The following RGL1 variants were observed in gnomAD, a reference collection of about 807,000 sequenced individuals.
The protein encoded by RGL1 is ral guanine nucleotide dissociation stimulator-like 1.
In RGL1, 24 loss-of-function variants were observed where a neutral mutation model predicts 95.2. The ratio of observed to expected loss-of-function variants is 0.25; its 90% CI spans 0.18 to 0.35. The LOEUF (loss-of-function observed/expected upper bound fraction) is 0.35, where lower values mean the gene tolerates loss of function less well. Among genes scored for constraint, RGL1 ranks in the 10% least tolerant of loss-of-function variants. The pLI is 1.00. For synonymous variants in RGL1, 329 were observed against 344.9 expected (o/e 0.95, Z 0.51); for missense variants, 715 against 936.3 (o/e 0.76, Z 3.08).
At chr1:183,811,712 G>GT (rs141563153) in intron 2 of RGL1, among the ~76,000 whole-genome samples, 2,644 of 152,252 alleles carry the variant, frequency 0.017, 70 homozygotes, top group African/African-American at 0.059. Flanking sequence ...TGGGATCTGT[G>GT]TTAGGAATAT....
upstream of RGL1, among the ~76,000 whole-genome samples, chr1:183,802,873 G>T (rs182650630): frequency 9.9e-5 from 15 of 152,268 alleles, no homozygotes; most frequent in Non-Finnish European, 2.1e-4. Flanking sequence ...TCACGGGAAG[G>T]CTAATGTGGT....
In RGL1 at chr1:183,828,500, C is replaced by T. The variant is rs77864533; in HGVS notation, c.139-19066C>T. 1.5e-4 allele frequency among the ~76,000 whole-genome samples: 23 copies of T among 152,238 alleles called. No homozygotes were observed. The East Asian group carries it at 4.1e-3, about 27-fold the overall frequency. ...AAATGGGGGGCCTGACCTACTCGGC[C>T]GTCTGGTGCTGCTCCTTCCGTGAGG... On this transcript the variant is annotated intron_variant, in intron 2 of 17. Coordinates refer to ENST00000360851, the MANE Select transcript of RGL1 (RefSeq NM_001297671.3).
At chr1:183,741,809 C>T (rs957890978) in intron 1 of RGL1, among the ~76,000 whole-genome samples, 19 of 152,172 alleles carry the variant, frequency 1.2e-4, no homozygotes, top group Non-Finnish European at 1.6e-4. Flanking sequence ...CTGACAGCCA[C>T]CCATTTCCAT....
chr1:183,884,664 A>G lies in RGL1; in HGVS notation c.736-59A>G, dbSNP rs537301325. The G allele has an allele frequency of 2.3e-5, 33 of 1,426,404 alleles. No homozygotes were observed. In the African/African-American group the frequency reaches 4.1e-4, roughly 18 times the overall value. 88.4% of individuals were successfully genotyped at this position (1,426,404 alleles called of 1,614,324 possible). On this transcript the variant is annotated intron_variant, in intron 6 of 17. Transcript: ENST00000360851. ...CCAATTTACAAATGACCCAGATGAC[A>G]TGCTTTGCCATATGAAATGTCTGTG...
chr1:183,901,690 T>C (rs1365076442), intron 11 of RGL1, among the ~76,000 whole-genome samples: 2 of 152,040 alleles, frequency 1.3e-5, no homozygotes, highest in Non-Finnish European at 2.9e-5. Context: ...TCCCTCTTTC[T>C]CTCTGTTCCC....
At position 183,695,939 on chromosome 1, in the gene RGL1, G is replaced by A. The variant is rs12070333; in HGVS notation, c.-32-46187G>A. Among the ~76,000 whole-genome samples, 278 of 152,114 alleles carry A rather than the reference G, an allele frequency of 1.8e-3. 6 individuals carry two copies. The East Asian group carries it at 0.043, about 23-fold the overall frequency. On this transcript the variant is annotated intron_variant, in intron 1 of 18. Transcript: ENST00000304685. ...GAAAATAGGTATAATTTTCTTAAAA[G>A]CTAAGCCTACTGAAAATATTATTCA...
chr1:183,759,720 T>C (rs1558191935), intron 2 of RGL1, among the ~76,000 whole-genome samples: 1 of 152,242 alleles, frequency 6.6e-6, no homozygotes, highest in Non-Finnish European at 1.5e-5. Flanking sequence ...CATTGGCCCT[T>C]GTTGCCAGTC....
At chr1:183,787,826 CA>C (rs577350440) in intron 2 of RGL1, among the ~76,000 whole-genome samples, 30 of 145,858 alleles carry the variant, frequency 2.1e-4, no homozygotes, top group East Asian at 7.9e-4. Flanking sequence ...AAAACAAAAA[CA>C]AAAAAAAAAG....
chr1:183,808,339 GGATAATGT>G (rs1426413824), intron 2 of RGL1, among the ~76,000 whole-genome samples: 2 of 152,160 alleles, frequency 1.3e-5, no homozygotes, highest in African/African-American at 2.4e-5. Context: ...CTGAGAAGGA[GGATAATGT>G]GAAAAGATTG....
chr1:183,892,655 T>G (rs1383370921), intron 9 of RGL1, among the ~76,000 whole-genome samples: 1 of 152,226 alleles, frequency 6.6e-6, no homozygotes, highest in Non-Finnish European at 1.5e-5. Context: ...TATAGCTTAG[T>G]TCATTTTATG....
At chr1:183,814,232 T>G (rs1661925504) in intron 2 of RGL1, among the ~76,000 whole-genome samples, 1 of 152,160 alleles carries the variant, frequency 6.6e-6, no homozygotes, top group African/African-American at 2.4e-5. Context: ...CATTTCCCAC[T>G]GATCCTTTTG....
At chr1:183,819,033 C>T (rs991355700) in intron 2 of RGL1, among the ~76,000 whole-genome samples, 2 of 152,190 alleles carry the variant, frequency 1.3e-5, no homozygotes, top group Admixed American at 6.5e-5. Flanking sequence ...TTCTTAGTGA[C>T]ATATAGGTTT....
At chr1:183,727,915 C>T (rs1336514759) in intron 1 of RGL1, among the ~76,000 whole-genome samples, 3 of 152,116 alleles carry the variant, frequency 2.0e-5, no homozygotes, top group Non-Finnish European at 4.4e-5. Context: ...ATAGGGGGCC[C>T]AGGTGTTTGG....
intron 1 of RGL1, among the ~76,000 whole-genome samples, chr1:183,706,835 G>A (rs999293160): frequency 3.9e-5 from 6 of 152,212 alleles, no homozygotes; most frequent in Non-Finnish European, 7.3e-5. Flanking sequence ...AGAAGGTCTC[G>A]TGTGGTTTGA....
Position 183,916,599 on chromosome 1 carries a change from C to T in RGL1, c.1902C>T (p.Thr634=). ...HKRSVSVTSI[T]STVLPPVYNQ... ...GCTCTGTCTCGGTGACGTCCATTAC[C>T]TCGACTGTGCTGCCTCCTGTTTACA... The change falls in exon 16 of 18, where the codon ACC becomes ACT. Residue 634 remains threonine, a synonymous_variant. Coordinates refer to ENST00000360851, the MANE Select transcript of RGL1 (RefSeq NM_001297671.3). 19 of 1,613,852 alleles carry T rather than the reference C, an allele frequency of 1.2e-5. No homozygotes were observed. Among genetic ancestry groups the T allele is most frequent in the Non-Finnish European group, 1.6e-5 (19 of 1,179,960 alleles).
At position 183,880,374 on chromosome 1, in the gene RGL1, C is replaced by CAAA. The variant is rs375024486; in HGVS notation, c.426-241_426-239dup. Reference sequence around the variant, plus strand: ...CAAAGTTTAGCCTCCTTAAAACAAACAAACAACAACAACAAAAAACCTTAT... The same window carrying CAAA: ...CAAAGTTTAGCCTCCTTAAAACAAACAAAAAACAACAACAACAAAAAACCTTAT... On this transcript the variant is annotated intron_variant, in intron 4 of 17. Coordinates refer to ENST00000360851, the MANE Select transcript of RGL1 (RefSeq NM_001297671.3). Among the ~76,000 whole-genome samples the CAAA allele has an allele frequency of 3.5e-3, 427 of 122,742 alleles. 3 individuals are homozygous for CAAA. Among genetic ancestry groups the CAAA allele is most frequent in the African/African-American group, 0.012 (414 of 33,450 alleles). 80.5% of individuals were successfully genotyped at this position (122,742 alleles called of 152,430 possible).
chr1:183,867,606 A>C (rs1572525434), intron 4 of RGL1, among the ~76,000 whole-genome samples: 2 of 151,796 alleles, frequency 1.3e-5, no homozygotes, highest in African/African-American at 4.8e-5. Context: ...GGAATAGAGA[A>C]ATGGATGGAA....
At chr1:183,820,716 G>A (rs577525452) in intron 2 of RGL1, among the ~76,000 whole-genome samples, 2 of 152,268 alleles carry the variant, frequency 1.3e-5, no homozygotes, top group South Asian at 2.1e-4. Context: ...TGTAAAATCC[G>A]CACCAGAGTT....
chr1:183,671,041 C>T (rs1652411202), intron 1 of RGL1, among the ~76,000 whole-genome samples: 1 of 152,160 alleles, frequency 6.6e-6, no homozygotes, highest in Admixed American at 6.5e-5. Context: ...GAAGGGGAAG[C>T]AAGGTACCTT....
Sources: allele counts gnomAD v4.1 joint callset (sites outside exome capture counted in the v4.1 genomes callset), GRCh38; gene constraint gnomAD v4.1.1; transcripts MANE v1.5; gene names NCBI Gene and HGNC (gene_info 2026-07-23, HGNC 2026-07-21).